The following PRDM5 variants were observed in gnomAD, a reference collection of about 807,000 sequenced individuals.
PRDM5 encodes the protein PR domain zinc finger protein 5.
PRDM5 carries 56 observed loss-of-function variants against 81.2 expected under a neutral mutation model. The observed-to-expected ratio is 0.69, with a 90% confidence interval of 0.56 to 0.86. The LOEUF is 0.86. PRDM5 is among the 40% of genes least tolerant of loss of function. PRDM5 has a pLI of 0.00. For synonymous variants in PRDM5, 267 were observed against 256.4 expected (o/e 1.04, Z -0.39); for missense variants, 697 against 770.1 (o/e 0.91, Z 1.12).
chr4:120,874,759 C>G (rs937765185), intron 2 of PRDM5, among the ~76,000 whole-genome samples: 10 of 152,038 alleles, frequency 6.6e-5, no homozygotes, highest in African/African-American at 2.4e-4. Context: ...TTTTTCTTGC[C>G]CAATACTGAT....
At chr4:120,740,738 T>G (rs909430721) in intron 14 of PRDM5, among the ~76,000 whole-genome samples, 4 of 152,188 alleles carry the variant, frequency 2.6e-5, no homozygotes, top group South Asian at 2.1e-4. Context: ...CTGACTCAAG[T>G]GCTACTTCCT....
intron 2 of PRDM5, among the ~76,000 whole-genome samples, chr4:120,891,284 T>C (rs1021440508): frequency 1.3e-4 from 20 of 152,350 alleles, no homozygotes; most frequent in African/African-American, 4.8e-4. Flanking sequence ...TCCAGCAATT[T>C]ATCCATTTCT....
At chr4:120,700,809 T>C (rs1446125984) in intron 15 of PRDM5, among the ~76,000 whole-genome samples, 1 of 152,172 alleles carries the variant, frequency 6.6e-6, no homozygotes, top group African/African-American at 2.4e-5. Context: ...CGATATTATC[T>C]CACACTAGTC....
chr4:120,821,238 T>G lies in PRDM5; in HGVS notation c.408A>C (p.Gln136His). The G allele has an allele frequency of 6.2e-7, 1 of 1,614,136 alleles. No individual in the cohort carries two copies. The highest frequency in any genetic ancestry group is 1.1e-5 in the South Asian group (1 of 91,086). Residue 136 changes from glutamine to histidine, a missense_variant, in exon 4 of 16, where the codon CAA becomes CAC. Around this residue, in one of 3 missense-constraint regions of PRDM5, gnomAD observed 577 missense variants for 606.7 expected, o/e 0.95. Coordinates refer to ENST00000264808, the MANE Select transcript of PRDM5 (RefSeq NM_018699.4). ...CCCCTTCTTTGATGACTGTCATAATTTGCTGTTCTTCCTCCTCAGCCTCCA... is the reference window on the plus strand; with the variant it reads ...CCCCTTCTTTGATGACTGTCATAATGTGCTGTTCTTCCTCCTCAGCCTCCA... ...SDMEAEEEEQ[Q>H]IMTVIKEGEV...
intron 10 of PRDM5, among the ~76,000 whole-genome samples, chr4:120,790,644 G>C (rs115217779): frequency 6.6e-6 from 1 of 152,068 alleles, no homozygotes; most frequent in Non-Finnish European, 1.5e-5. Context: ...AAAAAATCAC[G>C]TTCTATAAAT....
At chr4:120,787,683 T>C (rs1353501401) in intron 10 of PRDM5, among the ~76,000 whole-genome samples, 1 of 152,130 alleles carries the variant, frequency 6.6e-6, no homozygotes, top group African/African-American at 2.4e-5. Flanking sequence ...CAAGCATGAC[T>C]CCAAGATTTG....
rs114117023 is a variant in PRDM5 at position 120,723,987 on chromosome 4, T to C, written c.1624-13574A>G. On this transcript the variant is annotated intron_variant, in intron 14 of 15. Coordinates refer to ENST00000264808, the MANE Select transcript of PRDM5 (RefSeq NM_018699.4). ...GGGAGTTTCCTTTACCAATGGAACATTCCTGACAAGTGTATAGTCTCAGAC... is the reference window on the plus strand; with the variant it reads ...GGGAGTTTCCTTTACCAATGGAACACTCCTGACAAGTGTATAGTCTCAGAC... Among the ~76,000 whole-genome samples the C allele has an allele frequency of 2.1e-3, 301 of 142,982 alleles. 1 individual carries two copies. The highest frequency in any genetic ancestry group is 7.1e-3 in the African/African-American group (276 of 38,606). The allele number at this position is 142,982 out of a possible 152,430, so 93.8% of individuals were successfully genotyped here. A position where few individuals can be genotyped will look rare whatever the true frequency, so the allele number is the denominator to read the frequency against.
chr4:120,712,019 C>T (rs1285383840), intron 14 of PRDM5, among the ~76,000 whole-genome samples: 1 of 152,136 alleles, frequency 6.6e-6, no homozygotes, highest in East Asian at 1.9e-4. Context: ...GGCATGGTGG[C>T]TCATGCCTGT....
intron 3 of PRDM5, among the ~76,000 whole-genome samples, chr4:120,849,938 T>C (rs1427380388): frequency 6.6e-6 from 1 of 152,128 alleles, no homozygotes; most frequent in Non-Finnish European, 1.5e-5. Flanking sequence ...AGTTAAATGA[T>C]TATTCTGAAA....
chr4:120,762,570 G>GCAC (rs1021065264), intron 13 of PRDM5: 1 of 152,048 alleles, frequency 6.6e-6, no homozygotes, highest in African/African-American at 2.4e-5. Flanking sequence ...AATTGTGAAA[G>GCAC]CACCACCCAA....
intron 7 of PRDM5, 162 bp downstream of exon 7, chr4:120,816,291 A>G (rs963596876): frequency 2.8e-6 from 3 of 1,063,206 alleles, no homozygotes; most frequent in Non-Finnish European, 4.2e-6. Flanking sequence ...TGAGAAAGAA[A>G]TAGTGTTCAG....
chr4:120,757,976 T>C (rs1450878012), intron 13 of PRDM5, among the ~76,000 whole-genome samples: 1 of 152,008 alleles, frequency 6.6e-6, no homozygotes, highest in East Asian at 1.9e-4. Context: ...CCCTTGGATA[T>C]GGAAGCTCCC....
intron 13 of PRDM5, among the ~76,000 whole-genome samples, chr4:120,759,910 T>C (rs1039062496): frequency 1.3e-5 from 2 of 152,190 alleles, no homozygotes; most frequent in African/African-American, 4.8e-5. Flanking sequence ...CTAAAATGTA[T>C]AGAGTCTACT....
At chr4:120,836,833 T>C (rs1196309005) in intron 3 of PRDM5, among the ~76,000 whole-genome samples, 1 of 152,174 alleles carries the variant, frequency 6.6e-6, no homozygotes, top group Non-Finnish European at 1.5e-5. Context: ...ACTACTACTT[T>C]AGGGGGGGTT....
At chr4:120,738,822 A>G (rs527624412) in intron 14 of PRDM5, among the ~76,000 whole-genome samples, 21 of 152,344 alleles carry the variant, frequency 1.4e-4, no homozygotes, top group African/African-American at 4.8e-4. Context: ...TACTTGTTCT[A>G]GTTATCTATT....
intron 13 of PRDM5, among the ~76,000 whole-genome samples, chr4:120,773,958 A>C (rs1747683646): frequency 1.3e-5 from 2 of 152,238 alleles, no homozygotes; most frequent in African/African-American, 2.4e-5. Context: ...ATTTTCTATA[A>C]AAATATGTAT....
At chr4:120,802,510 TC>T (rs1424811457) in intron 8 of PRDM5, among the ~76,000 whole-genome samples, 1 of 152,192 alleles carries the variant, frequency 6.6e-6, no homozygotes, top group Non-Finnish European at 1.5e-5. Flanking sequence ...AGACGAAACT[TC>T]CAGAGGAATG....
chr4:120,859,244 T>C (rs567724758), intron 2 of PRDM5, among the ~76,000 whole-genome samples: 28 of 151,940 alleles, frequency 1.8e-4, no homozygotes, highest in Admixed American at 1.7e-3. Flanking sequence ...GCATCTCTGT[T>C]GCCCAGGCTA....
chr4:120,916,131 G>C (rs1724128549), intron 1 of PRDM5, among the ~76,000 whole-genome samples: 1 of 152,130 alleles, frequency 6.6e-6, no homozygotes, highest in Non-Finnish European at 1.5e-5. Flanking sequence ...GTTCATGCCT[G>C]TAATCCCAGC....
Sources: allele counts gnomAD v4.1 joint callset (sites outside exome capture counted in the v4.1 genomes callset), GRCh38; gene constraint gnomAD v4.1.1; regional missense constraint gnomAD v4.1.1; transcripts MANE v1.5; gene names NCBI Gene and HGNC (gene_info 2026-07-23, HGNC 2026-07-21).